HS3ST5: variants seen among roughly 807,000 people sequenced by gnomAD.
HS3ST5 encodes the protein heparan sulfate glucosamine 3-O-sulfotransferase 5.
In HS3ST5, 10 loss-of-function variants were observed where a neutral mutation model predicts 25.4. The ratio of observed to expected loss-of-function variants is 0.39; its 90% CI spans 0.24 to 0.67. The LOEUF (loss-of-function observed/expected upper bound fraction) is 0.67. Among genes scored for constraint, HS3ST5 ranks in the 30% least tolerant of loss-of-function variants. The pLI is 0.44. For synonymous variants in HS3ST5, 170 were observed against 162.4 expected (o/e 1.05, Z -0.36); for missense variants, 324 against 420.7 (o/e 0.77, Z 2.01).
At chr6:114,091,735 C>T (rs1775131405) in intron 3 of HS3ST5, among the ~76,000 whole-genome samples, 1 of 152,100 alleles carries the variant, frequency 6.6e-6, no homozygotes, top group East Asian at 1.9e-4. Context: ...GAAGAAGCCA[C>T]CATGTTTTGG....
At chr6:114,244,101 G>C (rs574820007) in intron 1 of HS3ST5, among the ~76,000 whole-genome samples, 2 of 152,310 alleles carry the variant, frequency 1.3e-5, no homozygotes, top group South Asian at 2.1e-4. Flanking sequence ...GTTATAGAGA[G>C]CAGGGATAGA....
intron 1 of HS3ST5, among the ~76,000 whole-genome samples, chr6:114,340,365 A>G (rs1485029258): frequency 6.6e-6 from 1 of 152,238 alleles, no homozygotes; most frequent in East Asian, 1.9e-4. Context: ...ATGTTTTATT[A>G]ATTGAAAAAA....
At chr6:114,104,068 T>C (rs1268956163) in intron 3 of HS3ST5, among the ~76,000 whole-genome samples, 1 of 152,004 alleles carries the variant, frequency 6.6e-6, no homozygotes, top group East Asian at 1.9e-4. Flanking sequence ...AATTCTGTTA[T>C]CCAGGGAGGG....
At chr6:114,308,443 C>T (rs1299518439) in intron 1 of HS3ST5, among the ~76,000 whole-genome samples, 4 of 151,916 alleles carry the variant, frequency 2.6e-5, no homozygotes, top group African/African-American at 7.2e-5. Flanking sequence ...GAAAATTAGC[C>T]GGGCGTGGTG....
intron 2 of HS3ST5, among the ~76,000 whole-genome samples, chr6:114,187,244 C>T (rs895881753): frequency 6.6e-6 from 1 of 152,228 alleles, no homozygotes; most frequent in South Asian, 2.1e-4. Context: ...CTGCCATAGA[C>T]AGTGATTCCT....
chr6:114,101,601 G>T (rs961147593), intron 3 of HS3ST5, among the ~76,000 whole-genome samples: 14 of 150,266 alleles, frequency 9.3e-5, no homozygotes, highest in African/African-American at 3.4e-4. Flanking sequence ...ACTGCTGATG[G>T]GAATGTAAAT....
intron 2 of HS3ST5, among the ~76,000 whole-genome samples, chr6:114,208,731 C>G (rs1412731482): frequency 6.6e-6 from 1 of 152,030 alleles, no homozygotes; most frequent in Non-Finnish European, 1.5e-5. Flanking sequence ...ACTCAGTGAC[C>G]CTGGATGAGT....
At chr6:114,231,379 T>A (rs907505705) in intron 1 of HS3ST5, 4 of 152,418 alleles carry the variant, frequency 2.6e-5, no homozygotes, top group Non-Finnish European at 4.4e-5. Context: ...TCCTGAGGCC[T>A]CCCTAGAAGC....
At chr6:114,105,501 G>C (rs907115111) in intron 3 of HS3ST5, among the ~76,000 whole-genome samples, 4 of 152,060 alleles carry the variant, frequency 2.6e-5, no homozygotes, top group Non-Finnish European at 5.9e-5. Flanking sequence ...ATATAATATT[G>C]ATTATATTTT....
At chr6:114,066,027 T>A (rs1442857549) in intron 3 of HS3ST5, among the ~76,000 whole-genome samples, 1 of 152,192 alleles carries the variant, frequency 6.6e-6, no homozygotes, top group Non-Finnish European at 1.5e-5. Flanking sequence ...TTCTCCAGCT[T>A]CCAGTCCAGG....
chr6:114,083,079 C>T (rs577160125), intron 3 of HS3ST5, among the ~76,000 whole-genome samples: 10 of 152,222 alleles, frequency 6.6e-5, no homozygotes, highest in African/African-American at 1.9e-4. Context: ...TTTTGCAGCA[C>T]GGAAACTTTA....
chr6:114,242,868 A>C lies in HS3ST5; in HGVS notation c.-338-14090T>G, dbSNP rs116365740. On this transcript the variant is annotated intron_variant, in intron 1 of 4. Transcript: ENST00000312719. ...GAGCGAGACTCCGTCTCAAAAAAAA[A>C]AAAAAAAAGAAGAAGGTGGGATGTC... Among the ~76,000 whole-genome samples, 1,235 of 151,914 alleles carry C rather than the reference A, an allele frequency of 8.1e-3. 17 individuals carry two copies. The highest frequency in any genetic ancestry group is 0.028 in the African/African-American group (1,177 of 41,444).
At chr6:114,315,290 T>C (rs1489786663) in intron 1 of HS3ST5, among the ~76,000 whole-genome samples, 2 of 152,182 alleles carry the variant, frequency 1.3e-5, no homozygotes, top group African/African-American at 4.8e-5. Flanking sequence ...GCACATCTAT[T>C]TGTTGTCCAT....
At chr6:114,309,880 C>G (rs1471221246) in intron 1 of HS3ST5, among the ~76,000 whole-genome samples, 1 of 152,180 alleles carries the variant, frequency 6.6e-6, no homozygotes, top group African/African-American at 2.4e-5. Flanking sequence ...TAAGTTTGCA[C>G]TAAATATTGC....
intron 1 of HS3ST5, among the ~76,000 whole-genome samples, chr6:114,334,510 C>A (rs953420399): frequency 1.3e-5 from 2 of 152,210 alleles, no homozygotes; most frequent in African/African-American, 4.8e-5. Flanking sequence ...CGGCCAATGA[C>A]ACACCACATA....
At chr6:114,323,672 T>C (rs1005249459) in intron 1 of HS3ST5, among the ~76,000 whole-genome samples, 14 of 152,150 alleles carry the variant, frequency 9.2e-5, no homozygotes, top group Admixed American at 6.6e-5. Flanking sequence ...ATATGGTATA[T>C]GATGTGGCAT....
At chr6:114,220,799 A>G (rs1781995254) in intron 2 of HS3ST5, 2 of 151,954 alleles carry the variant, frequency 1.3e-5, no homozygotes, top group African/African-American at 4.8e-5. Context: ...GATCATTCTC[A>G]TTTTTTTAAA....
At chr6:114,332,409 A>G (rs750813426) in intron 1 of HS3ST5, among the ~76,000 whole-genome samples, 2 of 152,182 alleles carry the variant, frequency 1.3e-5, no homozygotes, top group African/African-American at 4.8e-5. Context: ...AACTTGTAAT[A>G]TAAAGACTAA....
At chr6:114,180,411 G>C (rs1046808656) in intron 2 of HS3ST5, among the ~76,000 whole-genome samples, 1 of 152,068 alleles carries the variant, frequency 6.6e-6, no homozygotes, top group Admixed American at 6.5e-5. Context: ...CTGGAGGCTT[G>C]AAAGTCCAAG....
Sources: gnomAD v4.1 joint callset for allele counts (sites outside exome capture counted in the v4.1 genomes callset) on GRCh38, gnomAD v4.1.1 for gene constraint, MANE v1.5 for transcripts, NCBI Gene and HGNC (gene_info 2026-07-23, HGNC 2026-07-21) for gene names.